CLDN14: variants seen among roughly 807,000 people sequenced by gnomAD.
The protein encoded by CLDN14 is claudin 14.
Under a neutral mutation model 2.1 loss-of-function variants are expected in CLDN14, and 2 were observed. The observed-to-expected ratio is 0.96, with a 90% confidence interval of 0.39 to 3.01. The LOEUF is 3.01. Among genes scored for constraint, CLDN14 ranks in the 30% most tolerant of loss-of-function variants. The pLI is 0.09. For missense variants in CLDN14, 298 were observed against 328.0 expected, an observed-to-expected ratio of 0.91 and a Z score of 0.71; for synonymous variants, 136 against 154.4, an observed-to-expected ratio of 0.88 and a Z score of 0.88.
chr21:36,490,067 T>C (rs1291346686), intron 2 of CLDN14, among the ~76,000 whole-genome samples: 1 of 152,210 alleles, frequency 6.6e-6, no homozygotes, highest in African/African-American at 2.4e-5. Flanking sequence ...GCGGCCTCGC[T>C]GGAAGCATCT....
intron 1 of CLDN14, among the ~76,000 whole-genome samples, chr21:36,562,854 G>C (rs969216309): frequency 2.6e-5 from 4 of 152,084 alleles, no homozygotes; most frequent in African/African-American, 7.2e-5. Flanking sequence ...AATAACCCTG[G>C]CTTCATGGGT....
intron 1 of CLDN14, among the ~76,000 whole-genome samples, chr21:36,520,921 C>G (rs1568867720): frequency 6.6e-6 from 1 of 151,996 alleles, no homozygotes; most frequent in Non-Finnish European, 1.5e-5. Context: ...GCTCACTGAT[C>G]TGCAGAATGA....
At chr21:36,508,939 T>C (rs1236147070) in intron 2 of CLDN14, among the ~76,000 whole-genome samples, 2 of 152,132 alleles carry the variant, frequency 1.3e-5, no homozygotes, top group African/African-American at 4.8e-5. Context: ...GGCTGCAAGT[T>C]TGAGGCAAAA....
At chr21:36,543,021 C>A (rs897350888) in intron 1 of CLDN14, among the ~76,000 whole-genome samples, 2 of 152,188 alleles carry the variant, frequency 1.3e-5, no homozygotes, top group African/African-American at 4.8e-5. Context: ...CTGGCGGGGG[C>A]AGGGGGGAGC....
intron 1 of CLDN14, among the ~76,000 whole-genome samples, chr21:36,468,235 C>T (rs1162242810): frequency 6.6e-6 from 1 of 152,198 alleles, no homozygotes; most frequent in Non-Finnish European, 1.5e-5. Context: ...TGAATGTCCT[C>T]ACTGTCACCC....
At chr21:36,490,385 A>ATTTTTTTTTTTTT (rs71198817) in intron 2 of CLDN14, among the ~76,000 whole-genome samples, 10 of 102,052 alleles carry the variant, frequency 9.8e-5, no homozygotes, top group African/African-American at 2.0e-4. Context: ...TTTTTTTTTA[A>ATTTTTTTTTTTTT]TTTTTTTTTT....
intron 1 of CLDN14, among the ~76,000 whole-genome samples, chr21:36,553,734 A>G (rs397691): frequency 0.75 from 113,704 of 151,764 alleles, 44,079 homozygotes; most frequent in Non-Finnish European, 0.87. Flanking sequence ...AGGACCTGCT[A>G]CAGTCAGCAG....
intron 1 of CLDN14, among the ~76,000 whole-genome samples, chr21:36,539,511 T>G: frequency 7.6e-6 from 1 of 130,766 alleles, no homozygotes; most frequent in South Asian, 2.5e-4. Flanking sequence ...GTGTGTGGAG[T>G]GAGTGTATGC....
intron 1 of CLDN14, among the ~76,000 whole-genome samples, chr21:36,548,753 G>C (rs1333771487): frequency 1.3e-5 from 2 of 152,166 alleles, no homozygotes; most frequent in African/African-American, 4.8e-5. Flanking sequence ...GTTGATGTGG[G>C]GAGGCCAAGG....
At chr21:36,469,422 A>G (rs1490659227) in intron 1 of CLDN14, among the ~76,000 whole-genome samples, 2 of 152,128 alleles carry the variant, frequency 1.3e-5, no homozygotes, top group Non-Finnish European at 2.9e-5. Context: ...CACTCTTTCC[A>G]TGAGAGGCAG....
chr21:36,504,452 C>T (rs1348632978), intron 2 of CLDN14, among the ~76,000 whole-genome samples: 3 of 152,040 alleles, frequency 2.0e-5, no homozygotes, highest in East Asian at 1.9e-4. Context: ...CTTCAGGTTC[C>T]GAAAGGCAAT....
Position 36,460,903 on chromosome 21 carries a change from C to A in CLDN14, c.*73G>T. 1 of 1,545,222 alleles carries A rather than the reference C, an allele frequency of 6.5e-7. No homozygotes were observed. Among genetic ancestry groups the A allele is most frequent in the Non-Finnish European group, 8.8e-7 (1 of 1,137,152 alleles). ...CCCAGAAGTAAACTTTGTGCTGGAACCCCTGCCTCCATTGACAGTCCCGCC... is the reference window on the plus strand; with the variant it reads ...CCCAGAAGTAAACTTTGTGCTGGAAACCCTGCCTCCATTGACAGTCCCGCC... On this transcript the variant is annotated 3_prime_UTR_variant, in exon 2 of 2. Transcript: ENST00000399135. This position sits in a 1 kb window ranked among gnomAD's most constrained non-coding sequence, Gnocchi z 4.0.
intron 1 of CLDN14, among the ~76,000 whole-genome samples, chr21:36,569,665 C>T (rs1463593598): frequency 1.3e-5 from 2 of 152,076 alleles, no homozygotes; most frequent in Admixed American, 6.6e-5. Context: ...CCTAATAACC[C>T]GCAGAACCAA....
chr21:36,542,368 AC>A (rs1310063804), intron 1 of CLDN14, among the ~76,000 whole-genome samples: 2 of 152,332 alleles, frequency 1.3e-5, no homozygotes, highest in Middle Eastern at 3.4e-3. Flanking sequence ...CATATAGCAG[AC>A]GTTGCAGACC....
intron 1 of CLDN14, among the ~76,000 whole-genome samples, chr21:36,477,741 T>G (rs1266206461): frequency 1.3e-5 from 2 of 152,270 alleles, no homozygotes; most frequent in East Asian, 3.9e-4. Flanking sequence ...CAGGGAGAGA[T>G]AAAGGAGGTG....
rs139831645 is a variant in CLDN14 at position 36,486,769 on chromosome 21, A to G, written c.-82+23594T>C. ...TGCCTTTGGGCTTCCCACGAAGGCA[A>G]TGATATGCGTCTTGTGATTCTTGCC... On this transcript the variant is annotated intron_variant, in intron 2 of 2. Transcript: ENST00000342108. 760 of 823,400 alleles carry G rather than the reference A, an allele frequency of 9.2e-4. 3 individuals are homozygous for G. The African/African-American group carries it at 9.9e-3, about 11-fold the overall frequency. 51.0% of individuals were successfully genotyped at this position (823,400 alleles called of 1,614,324 possible). A position where few individuals can be genotyped will look rare whatever the true frequency, so the allele number is the denominator to read the frequency against.
intron 1 of CLDN14, among the ~76,000 whole-genome samples, chr21:36,472,931 G>A (rs1489586088): frequency 2.0e-5 from 3 of 152,120 alleles, no homozygotes; most frequent in African/African-American, 2.4e-5. Flanking sequence ...TCCAACATAG[G>A]AATTTTGGGA....
chr21:36,532,682 C>A (rs2087390859), intron 1 of CLDN14, among the ~76,000 whole-genome samples: 1 of 152,070 alleles, frequency 6.6e-6, no homozygotes, highest in Non-Finnish European at 1.5e-5. Flanking sequence ...TAATGTGAAG[C>A]CAGTTTGGTG....
chr21:36,520,184 CG>C (rs56221301), intron 1 of CLDN14, among the ~76,000 whole-genome samples: 101,845 of 151,970 alleles, frequency 0.67, 39,359 homozygotes, highest in Non-Finnish European at 0.89. Context: ...TTCACATGGC[CG>C]TCTTCCCTCT....
Sources: allele counts gnomAD v4.1 joint callset (sites outside exome capture counted in the v4.1 genomes callset), GRCh38; gene constraint gnomAD v4.1.1; non-coding constraint Gnocchi (gnomAD v3.1); transcripts MANE v1.5; gene names NCBI Gene and HGNC (gene_info 2026-07-23, HGNC 2026-07-21).